Variants in TEX14 observed in about 807,000 individuals in gnomAD.
TEX14 encodes testis expressed 14, intercellular bridge forming factor.
TEX14 carries 168 observed loss-of-function variants against 178.6 expected under a neutral mutation model. That is an observed-to-expected ratio of 0.94 (90% CI 0.83 to 1.07). The LOEUF is 1.07. TEX14 is among the 50% of genes least tolerant of loss of function. TEX14 has a pLI of 0.00. For synonymous variants in TEX14, 626 were observed against 634.1 expected (o/e 0.99, Z 0.19); for missense variants, 1,730 against 1,753.6 (o/e 0.99, Z 0.24).
At chr17:58,660,562 G>A (rs576758121) in intron 1 of TEX14, 19 of 783,092 alleles carry the variant, frequency 2.4e-5, no homozygotes, top group Admixed American at 1.0e-4. Flanking sequence ...GCAGTCCTGC[G>A]GTGTTGTGGG....
chr17:58,666,379 C>G (rs2047205481), intron 1 of TEX14, among the ~76,000 whole-genome samples: 1 of 136,140 alleles, frequency 7.3e-6, no homozygotes, highest in Admixed American at 8.6e-5. Context: ...CCTAAAACAA[C>G]CAAAGAAGGC....
Position 58,583,799 on chromosome 17 carries a change from T to C in TEX14, c.3171+701A>G, listed in dbSNP as rs563134084. Reference sequence around the variant, plus strand: ...CCCTCAAGTCCGAGAAAGAATAAGTTGATCTTATGAATGGTTCATATGCCA... The same window carrying C: ...CCCTCAAGTCCGAGAAAGAATAAGTCGATCTTATGAATGGTTCATATGCCA... On this transcript the variant is annotated intron_variant, in intron 19 of 31. Transcript: ENST00000349033. Among the ~76,000 whole-genome samples, 6 of 152,362 alleles carry C rather than the reference T, an allele frequency of 3.9e-5. No individual in the cohort carries two copies. In the East Asian group the frequency reaches 1.2e-3, roughly 29 times the overall value.
At chr17:58,602,091 T>C (rs1429705113) in intron 12 of TEX14, 135 bp from the exon 13 acceptor site, 1 of 882,922 alleles carries the variant, frequency 1.1e-6, no homozygotes, top group East Asian at 2.6e-5. Context: ...CCTAATTAAC[T>C]AGTTTATTGT....
chr17:58,587,783 T>G, intron 16 of TEX14, 113 bp downstream of exon 16: 1 of 1,170,770 alleles, frequency 8.5e-7, no homozygotes, highest in South Asian at 1.3e-5. Context: ...ACCTGTTCCC[T>G]ACTCCCTAAG....
At chr17:58,602,876 G>T (rs894828406) in intron 11 of TEX14, among the ~76,000 whole-genome samples, 1 of 151,238 alleles carries the variant, frequency 6.6e-6, no homozygotes, top group Non-Finnish European at 1.5e-5. Context: ...GACCGTCCTG[G>T]CCAACATGGT....
intron 2 of TEX14, among the ~76,000 whole-genome samples, chr17:58,650,960 C>T (rs1223196493): frequency 6.6e-6 from 1 of 152,132 alleles, no homozygotes; most frequent in Admixed American, 6.6e-5. Flanking sequence ...GACAGGGGAT[C>T]AAGCAGGACC....
At chr17:58,686,449 G>A (rs1414329139) in intron 1 of TEX14, among the ~76,000 whole-genome samples, 1 of 152,172 alleles carries the variant, frequency 6.6e-6, no homozygotes, top group Non-Finnish European at 1.5e-5. Context: ...AGGCTGAGTT[G>A]GAGGAGACTT....
chr17:58,651,717 G>T, intron 2 of TEX14, 149 bp downstream of exon 2: 1 of 716,178 alleles, frequency 1.4e-6, no homozygotes, highest in Non-Finnish European at 2.2e-6. Context: ...CACCTCTCTT[G>T]ACTGCACTGC....
At chr17:58,667,065 T>C (rs775898517) in intron 1 of TEX14, among the ~76,000 whole-genome samples, 1 of 152,182 alleles carries the variant, frequency 6.6e-6, no homozygotes, top group Non-Finnish European at 1.5e-5. Context: ...ACCACCTCAC[T>C]ACTTTTGGCG....
chr17:58,635,580 C>A (rs2046416618), intron 2 of TEX14, among the ~76,000 whole-genome samples: 1 of 152,156 alleles, frequency 6.6e-6, no homozygotes, highest in South Asian at 2.1e-4. Context: ...CAGGCACGCA[C>A]AACCATGCCC....
At chr17:58,572,397 C>A (rs1249321204) in intron 23 of TEX14, among the ~76,000 whole-genome samples, 2 of 152,092 alleles carry the variant, frequency 1.3e-5, no homozygotes, top group African/African-American at 4.8e-5. Context: ...TTGTGGGAGG[C>A]CGAGGTGGGT....
rs76273680 is a variant in TEX14 at position 58,590,534 on chromosome 17, T to TTTGTTGTTGTTG, written c.2577-2525_2577-2514dup. On this transcript the variant is annotated intron_variant, in intron 15 of 31. Transcript: ENST00000349033. The stretch of plus-strand genomic sequence containing the variant: ...CAACAATAGGTGAAATCCAACTATT[T>TTTGTTGTTGTTG]TTGTTGTTGTTGTTGTTGTTGTTGT... Among the ~76,000 whole-genome samples the TTTGTTGTTGTTG allele has an allele frequency of 1.9e-3, 282 of 149,444 alleles. 3 individuals are homozygous for TTTGTTGTTGTTG. The highest frequency in any genetic ancestry group is 0.011 in the South Asian group (49 of 4,610).
At chr17:58,620,104 T>A (rs937960714) in intron 5 of TEX14, among the ~76,000 whole-genome samples, 1 of 152,116 alleles carries the variant, frequency 6.6e-6, no homozygotes, top group East Asian at 1.9e-4. Context: ...GAAGAACATA[T>A]ACAAATAAAA....
At position 58,574,177 on chromosome 17, in the gene TEX14, G is replaced by A; in HGVS notation, c.3383+10C>T. ...CAAGCATCCCTAGGCATTCTCTTTG[G>A]TGATCATACATGTCTTTCTCTTTCA... On this transcript the variant is annotated intron_variant, in intron 22 of 31. Coordinates refer to ENST00000349033, the MANE Select transcript of TEX14 (RefSeq NM_031272.5). The A allele has an allele frequency of 6.2e-7, 1 of 1,608,192 alleles. No homozygotes were observed. The highest frequency in any genetic ancestry group is 2.2e-5 in the East Asian group (1 of 44,822).
chr17:58,586,397 A>G (rs750624617), intron 17 of TEX14, among the ~76,000 whole-genome samples: 4 of 152,170 alleles, frequency 2.6e-5, no homozygotes, highest in Non-Finnish European at 5.9e-5. Flanking sequence ...AATGACATCT[A>G]TAGTTCTTAG....
intron 1 of TEX14, chr17:58,679,570 A>G (rs1032171577): frequency 6.6e-6 from 1 of 152,298 alleles, no homozygotes; most frequent in East Asian, 1.9e-4. Context: ...AAATTATGCA[A>G]TTAAGTTTCC....
chr17:58,584,098 GT>G (rs1320823802), intron 19 of TEX14, among the ~76,000 whole-genome samples: 8 of 152,210 alleles, frequency 5.3e-5, no homozygotes, highest in Non-Finnish European at 1.0e-4. Flanking sequence ...TGGGTGCTGA[GT>G]TTGGCCCTTA....
chr17:58,588,227 G>A (rs1457368257), intron 15 of TEX14, among the ~76,000 whole-genome samples: 2 of 152,202 alleles, frequency 1.3e-5, no homozygotes, highest in Non-Finnish European at 2.9e-5. Flanking sequence ...TGGTTCAGGT[G>A]AGGGTTCTGC....
chr17:58,601,870 TAG>T lies in TEX14; in HGVS notation c.1612_1613del (p.Leu538ArgfsTer12). ...YGLHPDVNVY[L>X]GLTSEHPRET... ...CTCTGGGGTGTTCTGAAGTCAGTCC[TAG>T]ATAGACATTGACATCGGGATGGAGT... is the stretch of plus-strand genomic sequence containing the variant. On this transcript the variant is annotated frameshift_variant, in exon 13 of 32. Transcript: ENST00000349033. LOFTEE classifies it high-confidence loss of function. 3 of 1,613,462 alleles carry T rather than the reference TAG, an allele frequency of 1.9e-6. No individual in the cohort carries two copies. Among genetic ancestry groups the T allele is most frequent in the Non-Finnish European group, 2.5e-6 (3 of 1,179,954 alleles).
Sources: gnomAD v4.1 joint callset for allele counts (sites outside exome capture counted in the v4.1 genomes callset) on GRCh38, gnomAD v4.1.1 for gene constraint, MANE v1.5 for transcripts, NCBI Gene and HGNC (gene_info 2026-07-23, HGNC 2026-07-21) for gene names.